Variants in PRIMA1 observed in about 807,000 individuals in gnomAD.
The protein encoded by PRIMA1 is proline-rich membrane anchor 1.
Under a neutral mutation model 17.5 loss-of-function variants are expected in PRIMA1, and 7 were observed. The observed-to-expected ratio is 0.40, with a 90% confidence interval of 0.23 to 0.75. The LOEUF is 0.75. Ranked by LOEUF, PRIMA1 falls within the 30% of genes least tolerant of loss-of-function variation. PRIMA1 has a pLI of 0.37. For synonymous variants in PRIMA1, 97 were observed against 77.9 expected, an observed-to-expected ratio of 1.25 and a Z score of -1.29; for missense variants, 200 against 201.8, an observed-to-expected ratio of 0.99 and a Z score of 0.05.
Position 93,721,563 on chromosome 14 carries a change from G to A in PRIMA1, c.360-17C>T, listed in dbSNP as rs1233735902. 1.9e-6 allele frequency: 3 copies of A among 1,568,702 alleles called. No homozygotes were observed. The highest frequency in any genetic ancestry group is 2.2e-5 in the East Asian group (1 of 44,670). ...AGTGGTTTCCTGGAAGTGGGGGGAG[G>A]GGACAGGAAAGGCAAAGGAGGGGGA... On this transcript the variant is annotated splice_polypyrimidine_tract_variant and intron_variant, in intron 4 of 4. Transcript: ENST00000393140.
chr14:93,739,045 T>C (rs1156545054), intron 3 of PRIMA1, among the ~76,000 whole-genome samples: 1 of 152,104 alleles, frequency 6.6e-6, no homozygotes, highest in African/African-American at 2.4e-5. Flanking sequence ...AATTTGTTGT[T>C]GTTTTTTCTT....
At chr14:93,782,867 C>T (rs2141197083) in intron 2 of PRIMA1, among the ~76,000 whole-genome samples, 1 of 152,332 alleles carries the variant, frequency 6.6e-6, no homozygotes, top group Middle Eastern at 3.4e-3. Flanking sequence ...TAGCCTCTCT[C>T]CATCCTTCAA....
chr14:93,756,399 A>G (rs2076290597), intron 3 of PRIMA1, among the ~76,000 whole-genome samples: 1 of 152,176 alleles, frequency 6.6e-6, no homozygotes, highest in Admixed American at 6.5e-5. Flanking sequence ...TGAAGCTGTC[A>G]TCCTAAAAAA....
intron 3 of PRIMA1, among the ~76,000 whole-genome samples, chr14:93,762,211 G>A (rs1385652223): frequency 1.3e-5 from 2 of 152,134 alleles, no homozygotes; most frequent in Admixed American, 6.5e-5. Flanking sequence ...AAGCTCTCTC[G>A]ACTTTGCACC....
intron 3 of PRIMA1, among the ~76,000 whole-genome samples, chr14:93,764,919 C>T (rs1884843736): frequency 6.6e-6 from 1 of 152,176 alleles, no homozygotes; most frequent in Non-Finnish European, 1.5e-5. Context: ...TGGTGGGAGG[C>T]AGTGCATATA....
rs1172996925 is a variant in PRIMA1, at chr14:93,787,728, C to T, written c.-10G>A. ...AGTCCCGGAGGAGCATCTCGGCCAG[C>T]GGCGCCCGCTCCTGGGGCGAACTGT... is the stretch of plus-strand genomic sequence containing the variant. On this transcript the variant is annotated 5_prime_UTR_variant, in exon 2 of 5. Transcript: ENST00000393140. The T allele has an allele frequency of 3.9e-6, 6 of 1,542,144 alleles. No individual in the cohort carries two copies. The highest frequency in any genetic ancestry group is 2.4e-5 in the East Asian group (1 of 40,888).
intron 2 of PRIMA1, among the ~76,000 whole-genome samples, chr14:93,785,724 G>A (rs972482124): frequency 6.6e-6 from 1 of 151,958 alleles, no homozygotes; most frequent in African/African-American, 2.4e-5. Context: ...TGATTTCCCT[G>A]TCCCTATCAT....
rs749678532 is a variant in PRIMA1, at chr14:93,721,468, T to C, written c.438A>G (p.Val146=). ...CTCACACCACTGCGTTGTTCACGTC[T>C]ACTCCTTTGTTGCTCTGCGAAGCAC... ...PMSASQSNKG[V]DVNNAVV The change falls in exon 5 of 5, where the codon GTA becomes GTG. Residue 146 remains valine, a synonymous_variant. Transcript: ENST00000393140. The C allele has an allele frequency of 6.8e-6, 11 of 1,613,566 alleles. No individual in the cohort carries two copies. The South Asian group carries it at 1.2e-4, about 18-fold the overall frequency.
intron 3 of PRIMA1, among the ~76,000 whole-genome samples, chr14:93,768,672 A>C (rs1195064711): frequency 6.6e-6 from 1 of 152,230 alleles, no homozygotes; most frequent in Non-Finnish European, 1.5e-5. Flanking sequence ...TTTGTTGAGT[A>C]AATTAAAATA....
rs1884824468 is a variant in PRIMA1, at chr14:93,764,335, A to G, written c.229+14841T>C. Among the ~76,000 whole-genome samples the G allele has an allele frequency of 2.9e-5, 3 of 102,134 alleles. No individual in the cohort carries two copies. In the Admixed American group the frequency reaches 3.9e-4, roughly 13 times the overall value. The allele number at this position is 102,134 out of a possible 152,430, so 67.0% of individuals were successfully genotyped here. On this transcript the variant is annotated intron_variant, in intron 3 of 4. Transcript: ENST00000393140. ...CGTCTCCCATCCCAGCCCAGCCAGCACCTCCTCCAGGACACCTGCCCTGGT... is the reference window on the plus strand; with the variant it reads ...CGTCTCCCATCCCAGCCCAGCCAGCGCCTCCTCCAGGACACCTGCCCTGGT...
Position 93,787,761 on chromosome 14 carries a change from G to C in PRIMA1, c.-31-12C>G. The C allele has an allele frequency of 6.5e-7, 1 of 1,536,438 alleles. No homozygotes were observed. The highest frequency in any genetic ancestry group is 8.7e-7 in the Non-Finnish European group (1 of 1,144,792). On this transcript the variant is annotated splice_polypyrimidine_tract_variant and intron_variant, in intron 1 of 4. Transcript: ENST00000393140. ...GCTCCTGGGGCGAACTGTCAGGAGA[G>C]CAAGGCTAGGGTCAGGCGGACACCG...
intron 2 of PRIMA1, among the ~76,000 whole-genome samples, chr14:93,781,556 G>A (rs4900196): frequency 0.074 from 11,314 of 152,262 alleles, 464 homozygotes; most frequent in Middle Eastern, 0.15. Context: ...AACCTGGCCC[G>A]ACACAATGAC....
rs191329871 is a variant in PRIMA1 at position 93,737,634 on chromosome 14, G to A, written c.230-264C>T. On this transcript the variant is annotated intron_variant, in intron 3 of 4. Coordinates refer to ENST00000393140, the MANE Select transcript of PRIMA1 (RefSeq NM_178013.4). ...GGGAGGTCACTGGTGGGACCATTAT[G>A]GGTGACACCAACAGAGGCACAGGGA... 6.6e-5 allele frequency among the ~76,000 whole-genome samples: 10 copies of A among 152,188 alleles called. No homozygotes were observed. In the East Asian group the frequency reaches 1.9e-3, roughly 29 times the overall value.
At chr14:93,724,375 A>C (rs1266763714) in intron 4 of PRIMA1, among the ~76,000 whole-genome samples, 1 of 152,244 alleles carries the variant, frequency 6.6e-6, no homozygotes, top group African/African-American at 2.4e-5. Context: ...CTGGGTTTAC[A>C]GGCCTCAGCT....
At chr14:93,762,150 TGGGGCC>T (rs893017374) in intron 3 of PRIMA1, among the ~76,000 whole-genome samples, 10 of 151,666 alleles carry the variant, frequency 6.6e-5, no homozygotes, top group African/African-American at 2.2e-4. Flanking sequence ...GGGATGCAGG[TGGGGCC>T]GGCCCCACCT....
At chr14:93,727,244 C>G (rs1196782236) in intron 4 of PRIMA1, among the ~76,000 whole-genome samples, 3 of 152,204 alleles carry the variant, frequency 2.0e-5, no homozygotes, top group Non-Finnish European at 4.4e-5. Context: ...CTTGCATCCT[C>G]CCCTGGGAGC....
At chr14:93,762,005 ACT>A (rs908757923) in intron 3 of PRIMA1, among the ~76,000 whole-genome samples, 35 of 152,104 alleles carry the variant, frequency 2.3e-4, no homozygotes, top group African/African-American at 7.7e-4. Context: ...TTGCTTACAG[ACT>A]CTGACTGTTG....
intron 3 of PRIMA1, among the ~76,000 whole-genome samples, chr14:93,771,156 A>G (rs775475746): frequency 1.4e-5 from 2 of 146,084 alleles, no homozygotes; most frequent in Non-Finnish European, 3.0e-5. Context: ...GTGTGTGCGC[A>G]TGTATGTGTG....
rs115234537 is a variant in PRIMA1 at position 93,742,875 on chromosome 14, C to T, written c.230-5505G>A. On this transcript the variant is annotated intron_variant, in intron 3 of 4. Transcript: ENST00000393140. The stretch of plus-strand genomic sequence containing the variant: ...ACAGGCCACACAGCCAGGGGCCTTG[C>T]GACGGTACTCACAGCTAACTCAGTA... Among the ~76,000 whole-genome samples the T allele has an allele frequency of 9.0e-3, 1,367 of 152,226 alleles. 14 individuals carry two copies. Among genetic ancestry groups the T allele is most frequent in the African/African-American group, 0.029 (1,189 of 41,518 alleles).
Sources: gnomAD v4.1 joint callset for allele counts (sites outside exome capture counted in the v4.1 genomes callset) on GRCh38, gnomAD v4.1.1 for gene constraint, MANE v1.5 for transcripts, NCBI Gene and HGNC (gene_info 2026-07-23, HGNC 2026-07-21) for gene names.